The following TASP1 variants were observed in gnomAD, a reference collection of about 807,000 sequenced individuals.
TASP1 encodes the protein taspase 1.
TASP1 carries 16 observed loss-of-function variants against 56.6 expected under a neutral mutation model. The observed-to-expected ratio is 0.28, with a 90% CI of 0.19 to 0.43. TASP1 has a LOEUF of 0.43. TASP1 is among the 20% of genes least tolerant of loss of function. TASP1 has a pLI of 1.00. For synonymous variants in TASP1, 179 were observed against 184.2 expected (o/e 0.97, Z 0.23); for missense variants, 393 against 511.6 (o/e 0.77, Z 2.24).
At chr20:13,209,791 G>A in the TASP1 span, among the ~76,000 whole-genome samples, 1 of 152,156 alleles carries the variant, frequency 6.6e-6, no homozygotes, top group African/African-American at 2.4e-5. Context: ...ATTATGCTAA[G>A]GCACTTATAA....
intron 10 of TASP1, among the ~76,000 whole-genome samples, chr20:13,495,342 G>C (rs138265363): frequency 6.6e-6 from 1 of 152,224 alleles, no homozygotes; most frequent in African/African-American, 2.4e-5. Flanking sequence ...TCAGTATTTA[G>C]AGGCCAAATA....
chr20:13,358,798 A>G, the TASP1 span, among the ~76,000 whole-genome samples: 5 of 150,828 alleles, frequency 3.3e-5, no homozygotes, highest in East Asian at 7.8e-4. Context: ...CAAGGGTGTC[A>G]GACCACGCAG....
intron 4 of TASP1, chr20:13,600,458 G>A (rs1455047048): frequency 2.0e-5 from 3 of 152,100 alleles, no homozygotes; most frequent in Non-Finnish European, 4.4e-5. Flanking sequence ...TTTGCCAAAG[G>A]TGGCAAGGCA....
chr20:13,341,293 C>T, the TASP1 span, among the ~76,000 whole-genome samples: 2 of 152,170 alleles, frequency 1.3e-5, no homozygotes, highest in African/African-American at 2.4e-5. Context: ...TTCTTTTACC[C>T]ATTTGGGAGA....
At chr20:13,403,090 T>C (rs1369560994) in intron 13 of TASP1, among the ~76,000 whole-genome samples, 2 of 152,340 alleles carry the variant, frequency 1.3e-5, no homozygotes, top group East Asian at 3.9e-4. Context: ...TGCCACCATT[T>C]TGGCTTGAAT....
chr20:13,137,688 A>G, the TASP1 span, among the ~76,000 whole-genome samples: 1 of 152,268 alleles, frequency 6.6e-6, no homozygotes, highest in Admixed American at 6.5e-5. Flanking sequence ...ATGTTTAAAA[A>G]CATAGATAAG....
At chr20:13,202,072 G>A in the TASP1 span, among the ~76,000 whole-genome samples, 26 of 152,164 alleles carry the variant, frequency 1.7e-4, no homozygotes, top group East Asian at 2.7e-3. Flanking sequence ...CTTTTTGAAG[G>A]TATCCACCCC....
At chr20:13,199,486 T>C in the TASP1 span, among the ~76,000 whole-genome samples, 4 of 152,090 alleles carry the variant, frequency 2.6e-5, no homozygotes, top group African/African-American at 9.7e-5. Flanking sequence ...CTGGCCCTCA[T>C]AAAGCTCCTC....
chr20:13,226,086 G>A, the TASP1 span, among the ~76,000 whole-genome samples: 5 of 152,170 alleles, frequency 3.3e-5, no homozygotes, highest in Non-Finnish European at 7.3e-5. Context: ...ATTTAAGCAA[G>A]TATTATAAAA....
the TASP1 span, chr20:13,279,775 G>A: frequency 1.1e-5 from 18 of 1,613,870 alleles, no homozygotes; most frequent in South Asian, 3.3e-5. Context: ...GGCAAACAGC[G>A]GGGACCAGGA....
the TASP1 span, among the ~76,000 whole-genome samples, chr20:13,249,779 C>CGTTTT: frequency 0.016 from 2,249 of 141,756 alleles, 27 homozygotes; most frequent in Middle Eastern, 0.049. Flanking sequence ...TTTTTTGTTG[C>CGTTTT]GTTTTGTTTT....
At chr20:13,564,867 G>A (rs2046461937) in intron 7 of TASP1, among the ~76,000 whole-genome samples, 1 of 151,954 alleles carries the variant, frequency 6.6e-6, no homozygotes, top group Admixed American at 6.6e-5. Flanking sequence ...TTAGCCGGGT[G>A]TGGTGGTGGG....
chr20:13,188,990 C>G, the TASP1 span, among the ~76,000 whole-genome samples: 1 of 152,166 alleles, frequency 6.6e-6, no homozygotes, highest in African/African-American at 2.4e-5. Context: ...AGGCTGTAAC[C>G]AATCTCACTG....
chr20:13,617,558 T>A (rs910715961), intron 4 of TASP1, among the ~76,000 whole-genome samples: 1 of 152,096 alleles, frequency 6.6e-6, no homozygotes, highest in African/African-American at 2.4e-5. Flanking sequence ...TCAGCTCTAC[T>A]GGGGGGCAGG....
At chr20:13,462,191 T>C (rs2044079224) in intron 11 of TASP1, among the ~76,000 whole-genome samples, 1 of 152,162 alleles carries the variant, frequency 6.6e-6, no homozygotes, top group Non-Finnish European at 1.5e-5. Flanking sequence ...TTAAGCCACA[T>C]AAGTAGCTTT....
chr20:13,575,758 A>G (rs989568361), intron 6 of TASP1, among the ~76,000 whole-genome samples: 5 of 152,234 alleles, frequency 3.3e-5, no homozygotes, highest in African/African-American at 9.6e-5. Flanking sequence ...CTTCCTTAAT[A>G]TCACAAAGAA....
the TASP1 span, among the ~76,000 whole-genome samples, chr20:13,172,625 C>T: frequency 6.6e-6 from 1 of 152,096 alleles, no homozygotes; most frequent in Non-Finnish European, 1.5e-5. Context: ...TACTAGAAGA[C>T]AACAAAGCAC....
rs76588239 is a variant in TASP1 at position 13,479,999 on chromosome 20, T to C, written c.985+3228A>G. Among the ~76,000 whole-genome samples the C allele has an allele frequency of 1.2e-4, 19 of 152,346 alleles. No homozygotes were observed. In the East Asian group the frequency reaches 3.5e-3, roughly 28 times the overall value. Reference sequence around the variant, plus strand: ...TAAAAGAGAAAAAAACTCAACCTCCTTGCTTCTAGTCTAGTCCTCTGGTAA... The same window carrying C: ...TAAAAGAGAAAAAAACTCAACCTCCCTGCTTCTAGTCTAGTCCTCTGGTAA... On this transcript the variant is annotated intron_variant, in intron 11 of 13. Coordinates refer to ENST00000337743, the MANE Select transcript of TASP1 (RefSeq NM_017714.3).
At chr20:13,493,888 C>T (rs6079084) in intron 10 of TASP1, among the ~76,000 whole-genome samples, 1 of 151,876 alleles carries the variant, frequency 6.6e-6, no homozygotes, top group Admixed American at 6.6e-5. Context: ...ATTTAGTTAC[C>T]TAAATTATAA....
Sources: gnomAD v4.1 joint callset for allele counts (sites outside exome capture counted in the v4.1 genomes callset) on GRCh38, gnomAD v4.1.1 for gene constraint, MANE v1.5 for transcripts, NCBI Gene and HGNC (gene_info 2026-07-23, HGNC 2026-07-21) for gene names.